Variants in RPL13 observed in about 807,000 individuals in gnomAD.
The protein encoded by RPL13 is ribosomal protein L13.
Under a neutral mutation model 21.4 loss-of-function variants are expected in RPL13, and 1 was observed. That is an observed-to-expected ratio of 0.05 (90% CI 0.02 to 0.22). The LOEUF is 0.22. Ranked by LOEUF, RPL13 falls within the 10% of genes least tolerant of loss-of-function variation. The probability of loss-of-function intolerance (pLI) is 1.00; values close to 1 mark genes in which losing one functional copy is unlikely to be tolerated. For missense variants in RPL13, 289 were observed against 303.0 expected (o/e 0.95, Z 0.34); for synonymous variants, 143 against 120.5 (o/e 1.19, Z -1.23).
chr16:89,563,020 A>G lies in RPL13; in HGVS notation c.614A>G (p.Gln205Arg). Reference sequence around the variant, plus strand: ...AAAAGAGCCAAGGAAGCCGCAGAACAGGATGTTGAAAAGAAAAAATAAAGC... The same window carrying G: ...AAAAGAGCCAAGGAAGCCGCAGAACGGGATGTTGAAAAGAAAAAATAAAGC... ...RAKRAKEAAE[Q>R]DVEKKK Residue 205 changes from glutamine to arginine, a missense_variant, in exon 6 of 6, where the codon CAG becomes CGG. Coordinates refer to ENST00000311528, the MANE Select transcript of RPL13 (RefSeq NM_000977.4). 2.6e-6 allele frequency: 4 copies of G among 1,537,230 alleles called. No individual in the cohort carries two copies. The highest frequency in any genetic ancestry group is 3.5e-6 in the Non-Finnish European group (4 of 1,142,490).
chr16:89,561,089 C>G (rs775507423), intron 2 of RPL13, 26 bp downstream of exon 2: 1 of 1,584,184 alleles, frequency 6.3e-7, no homozygotes, highest in Non-Finnish European at 8.6e-7. Context: ...GGGGCTGCCC[C>G]TGGGGCTCGT....
Position 89,561,228 on chromosome 16 carries a change from C to T in RPL13, c.106C>T (p.Arg36Cys), listed in dbSNP as rs776869972. ...FNQPARKIRRRKARQAKARRI... is the reference protein window; with the variant it reads ...FNQPARKIRRCKARQAKARRI... ...CGCCGCTGCGCTTCTCTCCACCAGA[C>T]GTAAGGCCCGGCAAGCCAAGGCGCG... The change falls in exon 3 of 6, where the codon CGT (arginine) becomes TGT (cysteine). Residue 36 changes from arginine to cysteine, a missense_variant and splice_region_variant. Transcript: ENST00000311528. 1.3e-6 allele frequency: 2 copies of T among 1,544,412 alleles called. No homozygotes were observed. Among genetic ancestry groups the T allele is most frequent in the South Asian group, 1.2e-5 (1 of 85,208 alleles).
chr16:89,561,747 G>A lies in RPL13; in HGVS notation c.416G>A (p.Ser139Asn). The A allele has an allele frequency of 6.2e-7, 1 of 1,613,264 alleles. No individual in the cohort carries two copies. Among genetic ancestry groups the A allele is most frequent in the Non-Finnish European group, 8.5e-7 (1 of 1,179,650 alleles). Residue 139 changes from serine to asparagine, a missense_variant, in exon 4 of 6, where the codon AGT becomes AAT. Coordinates refer to ENST00000311528, the MANE Select transcript of RPL13 (RefSeq NM_000977.4). ...CCCTCGGCCCCCAAGAAGGGAGACA[G>A]TTCTGTGAGTACACGGCTCTCTGGC... ...RKPSAPKKGD[S>N]SAEELKLATQ...
chr16:89,561,692 C>T lies in RPL13; in HGVS notation c.361C>T (p.Arg121Cys). ...QANVQRLKEY[R>C]SKLILFPRKP... ...CAACGTGCAGCGGCTGAAGGAGTAC[C>T]GCTCCAAACTCATCCTCTTCCCCAG... Residue 121 changes from arginine (R) to cysteine (C), a missense_variant, in exon 4 of 6, where the codon CGC becomes TGC. Physicochemically the swap from Arg to Cys is radical, Grantham distance 180 (BLOSUM62 -3). Coordinates refer to ENST00000311528, the MANE Select transcript of RPL13 (RefSeq NM_000977.4). The T allele has an allele frequency of 1.2e-6, 2 of 1,613,856 alleles. No individual in the cohort carries two copies. The highest frequency in any genetic ancestry group is 2.2e-5 in the South Asian group (2 of 91,082).
rs767866411 is a variant in RPL13, at chr16:89,561,658, C to A, written c.327C>A (p.Ser109=). Residue 109 remains serine, a synonymous_variant, in exon 4 of 6, where the codon TCC becomes TCA. Transcript: ENST00000311528. ...DPRRRNKSTE[S]LQANVQRLKE... ...GGAGGCGGAACAAGTCCACGGAGTC[C>A]CTGCAGGCCAACGTGCAGCGGCTGA... 106 of 1,613,766 alleles carry A rather than the reference C, an allele frequency of 6.6e-5. 1 individual carries two copies. The Middle Eastern group carries it at 9.9e-4, about 15-fold the overall frequency.
chr16:89,561,379 G>A lies in RPL13; in HGVS notation c.246+11G>A. ...CTGGAGGAGCTCAGGGTGAGTACTG[G>A]CAGCGCTGCGGTGTCAGGAAGGCCC... On this transcript the variant is annotated intron_variant, in intron 3 of 5. Coordinates refer to ENST00000311528, the MANE Select transcript of RPL13 (RefSeq NM_000977.4). 6.2e-7 allele frequency: 1 copy of A among 1,609,732 alleles called. No individual in the cohort carries two copies.
At position 89,563,731 on chromosome 16, in the gene RPL13, G is replaced by A. The variant is rs540139256; in HGVS notation, c.*689G>A. 5 of 152,274 alleles carry A rather than the reference G, an allele frequency of 3.3e-5. No homozygotes were observed. In the East Asian group the frequency reaches 9.6e-4, roughly 29 times the overall value. The allele number at this position is 152,274 out of a possible 1,614,324, so 9.4% of individuals were successfully genotyped here. ...CACGAGACCCTGCACCCAACCTAGA[G>A]TTGCCTTTTTTAAGCAAAGCAGTTT... On this transcript the variant is annotated 3_prime_UTR_variant, in exon 6 of 6. Coordinates refer to ENST00000311528, the MANE Select transcript of RPL13 (RefSeq NM_000977.4).
chr16:89,562,033 A>G, intron 4 of RPL13: 2 of 587,916 alleles, frequency 3.4e-6, no homozygotes, highest in Non-Finnish European at 6.0e-6. Context: ...TTGTAGGATA[A>G]GGTTGATAAA....
chr16:89,562,103 C>T (rs970224260), intron 4 of RPL13: 9 of 594,796 alleles, frequency 1.5e-5, no homozygotes, highest in East Asian at 5.8e-5. Context: ...CTGCCCCGCC[C>T]GTGGTTCACA....
Position 89,561,455 on chromosome 16 carries a change from C to T in RPL13, c.246+87C>T, listed in dbSNP as rs575878848. On this transcript the variant is annotated intron_variant, in intron 3 of 5. Transcript: ENST00000311528. ...CGCGTGATGACATTCTCCGGAATCG[C>T]TGTACGGCCTTGATGAAAGCACATT... 1.4e-4 allele frequency: 221 copies of T among 1,612,074 alleles called. 3 individuals are homozygous for T. In the South Asian group the frequency reaches 2.1e-3, roughly 15 times the overall value.
intron 4 of RPL13, 92 bp from the exon 5 acceptor site, chr16:89,562,243 G>T: frequency 8.1e-7 from 1 of 1,236,206 alleles, no homozygotes. Context: ...TCCTGAACAC[G>T]GAATCCCCAG....
At chr16:89,566,133 C>A (rs992748762), downstream of RPL13, 1 of 145,998 alleles carries the variant, frequency 6.8e-6, no homozygotes, top group African/African-American at 2.5e-5. Flanking sequence ...GGGCAGCCTC[C>A]CACAGTGGGT....
chr16:89,562,243 G>A (rs778539856), intron 4 of RPL13, 92 bp from the exon 5 acceptor site: 169 of 1,236,086 alleles, frequency 1.4e-4, no homozygotes, highest in Non-Finnish European at 1.8e-4. Flanking sequence ...TCCTGAACAC[G>A]GAATCCCCAG....
At position 89,563,948 on chromosome 16, in the gene RPL13, T is replaced by G. The variant is rs1358286122; in HGVS notation, c.*906T>G. On this transcript the variant is annotated 3_prime_UTR_variant, in exon 6 of 6. Coordinates refer to ENST00000311528, the MANE Select transcript of RPL13 (RefSeq NM_000977.4). ...AACATTCTAAAGCCATTGTTCTTGC[T>G]TCATGGACAAGAGGCAGCCAGAGAG... The G allele has an allele frequency of 1.3e-5, 2 of 152,240 alleles. No homozygotes were observed. Among genetic ancestry groups the G allele is most frequent in the African/African-American group, 4.8e-5 (2 of 41,466 alleles). 9.4% of individuals were successfully genotyped at this position (152,240 alleles called of 1,614,324 possible).
chr16:89,560,995 C>T lies in RPL13; in HGVS notation c.36C>T (p.Pro12=), dbSNP rs774634578. 5.6e-6 allele frequency: 9 copies of T among 1,607,650 alleles called. No individual in the cohort carries two copies. Among genetic ancestry groups the T allele is most frequent in the Non-Finnish European group, 7.6e-6 (9 of 1,178,440 alleles). The change falls in exon 2 of 6, where the codon CCC becomes CCT. Residue 12 remains proline, a synonymous_variant. Transcript: ENST00000311528. ...GCCGGAATGGCATGGTCTTGAAGCC[C>T]CACTTCCACAAGGACTGGCAGCGGC... ...APSRNGMVLK[P]HFHKDWQRRV... is the part of the protein sequence containing the mutation.
chr16:89,561,422 G>A, intron 3 of RPL13, 54 bp downstream of exon 3: 1 of 1,612,568 alleles, frequency 6.2e-7, no homozygotes, highest in South Asian at 1.1e-5. Context: ...CCCTCTGTTG[G>A]CCTCAGTCGC....
At chr16:89,564,689 T>C (rs1489730656), downstream of RPL13, 2 of 152,230 alleles carry the variant, frequency 1.3e-5, no homozygotes, top group Non-Finnish European at 2.9e-5. Flanking sequence ...GTTGGAAGCT[T>C]GAGCCTAGGC....
chr16:89,561,834 C>G (rs1396244588), intron 4 of RPL13, 83 bp downstream of exon 4: 5 of 1,460,620 alleles, frequency 3.4e-6, no homozygotes, highest in African/African-American at 2.8e-5. Flanking sequence ...GTCCCTGGGT[C>G]TTGCTGGGGT....
In RPL13 at chr16:89,561,385, C is replaced by T. The variant is rs924902783; in HGVS notation, c.246+17C>T. ...GAGCTCAGGGTGAGTACTGGCAGCG[C>T]TGCGGTGTCAGGAAGGCCCCGAAGT... On this transcript the variant is annotated intron_variant, in intron 3 of 5. Transcript: ENST00000311528. 1.2e-6 allele frequency: 2 copies of T among 1,610,542 alleles called. No homozygotes were observed. The highest frequency in any genetic ancestry group is 2.2e-5 in the South Asian group (2 of 91,060).
Sources: allele counts gnomAD v4.1 joint callset, GRCh38; gene constraint gnomAD v4.1.1; transcripts MANE v1.5; gene names NCBI Gene and HGNC (gene_info 2026-07-23, HGNC 2026-07-21).